Variants in MAP3K8 observed in about 807,000 individuals in gnomAD.
The protein encoded by MAP3K8 is mitogen-activated protein kinase kinase kinase 8.
In MAP3K8, 22 loss-of-function variants were observed where a neutral mutation model predicts 45.8. That is an observed-to-expected ratio of 0.48 (90% confidence interval 0.34 to 0.69). The LOEUF is 0.69. Among genes scored for constraint, MAP3K8 ranks in the 30% least tolerant of loss-of-function variants. The probability of loss-of-function intolerance (pLI) is 0.01; values close to 1 mark genes in which losing one functional copy is unlikely to be tolerated. For synonymous variants in MAP3K8, 223 were observed against 214.3 expected (o/e 1.04, Z -0.36); for missense variants, 419 against 585.0 (o/e 0.72, Z 2.93).
rs146241749 is a variant in MAP3K8 at position 30,459,428 on chromosome 10, T to C, written c.1200T>C (p.Ser400=). ...PPREDQPRCQ[S]LDSALLERKR... is the part of the protein sequence containing the mutation. ...GAGAGGATCAGCCACGCTGTCAGAG[T>C]CTGGACTCTGCCCTCTTGGAGCGCA... The change falls in exon 8 of 9, where the codon AGT becomes AGC. Residue 400 remains serine, a synonymous_variant. Transcript: ENST00000263056. 55 of 1,614,024 alleles carry C rather than the reference T, an allele frequency of 3.4e-5. No individual in the cohort carries two copies. The African/African-American group carries it at 7.1e-4, about 21-fold the overall frequency.
chr10:30,436,557 C>A (rs1281147387), intron 1 of MAP3K8, among the ~76,000 whole-genome samples: 3 of 152,012 alleles, frequency 2.0e-5, no homozygotes, highest in African/African-American at 7.3e-5. Flanking sequence ...ATGCCTGAGA[C>A]TTTTCTGCAG....
Position 30,438,906 on chromosome 10 carries a change from T to C in MAP3K8, c.-23-10T>C. 6.9e-7 allele frequency: 1 copy of C among 1,446,244 alleles called. No homozygotes were observed. The highest frequency in any genetic ancestry group is 1.4e-5 in the African/African-American group (1 of 70,146). 89.6% of individuals were successfully genotyped at this position (1,446,244 alleles called of 1,614,324 possible). ...TATCGTAAACTAAATATTTGTGTTT[T>C]CTTTCCTAGACTCTCCAGAAAGAGC... On this transcript the variant is annotated splice_polypyrimidine_tract_variant and intron_variant, in intron 2 of 8. Transcript: ENST00000263056.
rs145710720 is a variant in MAP3K8, at chr10:30,460,729, G to A, written c.1297G>A (p.Glu433Lys). The A allele has an allele frequency of 8.1e-6, 13 of 1,611,286 alleles. No individual in the cohort carries two copies. Among genetic ancestry groups the A allele is most frequent in the African/African-American group, 4.0e-5 (3 of 74,884 alleles). Residue 433 changes from glutamate (E) to lysine (K), a missense_variant, in exon 9 of 9, where the codon GAG (glutamate) becomes AAG (lysine). Around this residue, in one of 3 missense-constraint regions of MAP3K8, gnomAD observed 108 missense variants for 124.2 expected, o/e 0.87. Transcript: ENST00000263056. ...AGATTCTTCGTGCACAGGAAGCACC[G>A]AGGAATCTGAGATGCTCAAGAGGCA... The part of the protein sequence containing the change: ...IADSSCTGST[E>K]ESEMLKRQRS...
intron 7 of MAP3K8, among the ~76,000 whole-genome samples, chr10:30,458,824 C>G (rs561802369): frequency 6.6e-6 from 1 of 152,292 alleles, no homozygotes; most frequent in African/African-American, 2.4e-5. Flanking sequence ...CCTGTAATCT[C>G]AGCACTTTAG....
Position 30,450,191 on chromosome 10 carries a change from C to T in MAP3K8, c.505-67C>T, listed in dbSNP as rs891157249. 4 of 1,459,776 alleles carry T rather than the reference C, an allele frequency of 2.7e-6. No homozygotes were observed. The Admixed American group carries it at 8.9e-5, about 32-fold the overall frequency. The allele number at this position is 1,459,776 out of a possible 1,614,324, so 90.4% of individuals were successfully genotyped here. A position where few individuals can be genotyped will look rare whatever the true frequency, so the allele number is the denominator to read the frequency against. On this transcript the variant is annotated intron_variant, in intron 4 of 8. Coordinates refer to ENST00000263056, the MANE Select transcript of MAP3K8 (RefSeq NM_005204.4). ...TTTGCCTTTTGTTTTTTGCATTGACCTATATTTTATATTTTTAAGATGACT... is the reference window on the plus strand; with the variant it reads ...TTTGCCTTTTGTTTTTTGCATTGACTTATATTTTATATTTTTAAGATGACT...
intron 5 of MAP3K8, chr10:30,450,753 C>T (rs1357297729): frequency 3.9e-6 from 2 of 517,570 alleles, no homozygotes; most frequent in Non-Finnish European, 7.0e-6. Flanking sequence ...TAGCTACATA[C>T]CTATTAGGTA....
chr10:30,439,271 C>T lies in MAP3K8; in HGVS notation c.333C>T (p.Asn111=). 6.2e-7 allele frequency: 1 copy of T among 1,614,150 alleles called. No individual in the cohort carries two copies. The highest frequency in any genetic ancestry group is 1.1e-5 in the South Asian group (1 of 91,086). The change falls in exon 3 of 9, where the codon AAC becomes AAT. Residue 111 remains asparagine, a synonymous_variant. Transcript: ENST00000263056. Reference sequence around the variant, plus strand: ...CACAGGAATCTGGAATTTTATTAAACATGGTACGTTTCTTTCCGATCAGTT... The same window carrying T: ...CACAGGAATCTGGAATTTTATTAAATATGGTACGTTTCTTTCCGATCAGTT... ...QRPQESGILL[N]MVITPQNGRY...
rs1380983073 is a variant in MAP3K8, at chr10:30,459,320, G to A, written c.1092G>A (p.Leu364=). Residue 364 remains leucine (L), a synonymous_variant, in exon 8 of 9, where the codon CTG becomes CTA. Coordinates refer to ENST00000263056, the MANE Select transcript of MAP3K8 (RefSeq NM_005204.4). ...ADDCSPGMRE[L]IEASLERNPN... ...ACTGCAGTCCAGGGATGAGAGAGCTGATAGAAGCTTCCCTGGAGAGAAACC... is the reference window on the plus strand; with the variant it reads ...ACTGCAGTCCAGGGATGAGAGAGCTAATAGAAGCTTCCCTGGAGAGAAACC... 3.1e-6 allele frequency: 5 copies of A among 1,614,162 alleles called. No individual in the cohort carries two copies. Among genetic ancestry groups the A allele is most frequent in the Non-Finnish European group, 4.2e-6 (5 of 1,180,022 alleles).
At chr10:30,453,021 T>A (rs184999087) in intron 6 of MAP3K8, among the ~76,000 whole-genome samples, 4 of 152,200 alleles carry the variant, frequency 2.6e-5, no homozygotes. Flanking sequence ...AGAGTTAACT[T>A]TATAATAAGT....
At chr10:30,441,641 T>A (rs953407067) in intron 3 of MAP3K8, among the ~76,000 whole-genome samples, 3 of 152,078 alleles carry the variant, frequency 2.0e-5, no homozygotes, top group Non-Finnish European at 4.4e-5. Context: ...GCTAGGCAAA[T>A]CGACCCAGTG....
At chr10:30,459,907 A>C (rs1040178972) in intron 8 of MAP3K8, among the ~76,000 whole-genome samples, 1 of 151,378 alleles carries the variant, frequency 6.6e-6, no homozygotes. Context: ...CAGTGGCATG[A>C]TCTTGGGTCA....
chr10:30,458,275 G>GGC lies in MAP3K8; in HGVS notation c.1026+40_1026+41insCG, dbSNP rs779259750. ...AACCAGGGCTGGGGGCGGCGGGGGG[G>GGC]GGCGTTGAGTTATGCATCCCGCAGG... is the stretch of plus-strand genomic sequence containing the variant. On this transcript the variant is annotated intron_variant, in intron 7 of 8. Coordinates refer to ENST00000263056, the MANE Select transcript of MAP3K8 (RefSeq NM_005204.4). 4.0e-5 allele frequency: 54 copies of GGC among 1,355,896 alleles called. 7 individuals are homozygous for GGC. The highest frequency in any genetic ancestry group is 1.4e-4 in the East Asian group (5 of 36,352). 84.0% of individuals were successfully genotyped at this position (1,355,896 alleles called of 1,614,324 possible).
intron 3 of MAP3K8, among the ~76,000 whole-genome samples, chr10:30,440,906 G>T (rs576608064): frequency 4.6e-4 from 70 of 152,234 alleles, no homozygotes; most frequent in African/African-American, 1.6e-3. Context: ...AAAGACTTAG[G>T]TATGTTTGCT....
chr10:30,459,538 C>G (rs542879323), intron 8 of MAP3K8, 37 bp downstream of exon 8: 7 of 1,608,206 alleles, frequency 4.4e-6, no homozygotes, highest in Non-Finnish European at 5.9e-6. Flanking sequence ...CACTTACTTC[C>G]CTTCTCTTTC....
rs570589417 is a variant in MAP3K8 at position 30,458,263 on chromosome 10, G to T, written c.1026+27G>T. ...TAAGTGGGGTTCAACCAGGGCTGGG[G>T]GCGGCGGGGGGGGGCGTTGAGTTAT... On this transcript the variant is annotated intron_variant, in intron 7 of 8. Transcript: ENST00000263056. The T allele has an allele frequency of 2.2e-5, 29 of 1,295,682 alleles. No individual in the cohort carries two copies. In the African/African-American group the frequency reaches 4.2e-4, roughly 19 times the overall value. The allele number at this position is 1,295,682 out of a possible 1,614,324, so 80.3% of individuals were successfully genotyped here.
At chr10:30,439,834 T>A (rs931996236) in intron 3 of MAP3K8, among the ~76,000 whole-genome samples, 1 of 152,226 alleles carries the variant, frequency 6.6e-6, no homozygotes, top group Non-Finnish European at 1.5e-5. Context: ...GAATGTATTT[T>A]AATTTAACAG....
Position 30,459,482 on chromosome 10 carries a change from A to G in MAP3K8, c.1254A>G (p.Glu418=). The change falls in exon 8 of 9, where the codon GAA becomes GAG. Residue 418 remains glutamate (E), a synonymous_variant. Coordinates refer to ENST00000263056, the MANE Select transcript of MAP3K8 (RefSeq NM_005204.4). ...GGCTGCTGAGTAGGAAGGAGCTGGA[A>G]CTTCCTGAGAACATTGCTGGTAGGG... ...RKRLLSRKEL[E]LPENIADSSC... 1.2e-6 allele frequency: 2 copies of G among 1,613,834 alleles called. No individual in the cohort carries two copies. Among genetic ancestry groups the G allele is most frequent in the Non-Finnish European group, 1.7e-6 (2 of 1,180,000 alleles).
rs756169372 is a variant in MAP3K8 at position 30,458,274 on chromosome 10, G to GGCT, written c.1026+39_1026+40insCTG. 6 of 1,364,250 alleles carry GGCT rather than the reference G, an allele frequency of 4.4e-6. No individual in the cohort carries two copies. The African/African-American group carries it at 8.9e-5, about 20-fold the overall frequency. 84.5% of individuals were successfully genotyped at this position (1,364,250 alleles called of 1,614,324 possible). A position where few individuals can be genotyped will look rare whatever the true frequency, so the allele number is the denominator to read the frequency against. On this transcript the variant is annotated intron_variant, in intron 7 of 8. Transcript: ENST00000263056. ...CAACCAGGGCTGGGGGCGGCGGGGG[G>GGCT]GGGCGTTGAGTTATGCATCCCGCAG...
At chr10:30,442,964 C>T (rs303436) in intron 3 of MAP3K8, among the ~76,000 whole-genome samples, 3 of 151,942 alleles carry the variant, frequency 2.0e-5, no homozygotes, top group Non-Finnish European at 2.9e-5. Context: ...TTGAAAATCT[C>T]CTGTGACAAG....
Sources: allele counts gnomAD v4.1 joint callset (sites outside exome capture counted in the v4.1 genomes callset), GRCh38; gene constraint gnomAD v4.1.1; regional missense constraint gnomAD v4.1.1; transcripts MANE v1.5; gene names NCBI Gene and HGNC (gene_info 2026-07-23, HGNC 2026-07-21).